KLHL4: variants seen among roughly 807,000 people sequenced by gnomAD.
KLHL4 encodes kelch-like protein 4.
In KLHL4, 17 loss-of-function variants were observed where a neutral mutation model predicts 45.8. The ratio of observed to expected loss-of-function variants is 0.37; its 90% CI spans 0.25 to 0.56. The LOEUF (loss-of-function observed/expected upper bound fraction) is 0.56, where lower values mean the gene tolerates loss of function less well. KLHL4 is among the 20% of genes least tolerant of loss of function. KLHL4 has a pLI of 0.79. For missense variants in KLHL4, 544 were observed against 544.9 expected, an observed-to-expected ratio of 1.00 and a Z score of 0.02; for synonymous variants, 224 against 189.9, an observed-to-expected ratio of 1.18 and a Z score of -1.47.
At chrX:87,607,694 G>A (rs1243873603) in intron 1 of KLHL4, among the ~76,000 whole-genome samples, 1 of 111,628 alleles carries the variant, frequency 9.0e-6, no homozygotes, top group Non-Finnish European at 1.9e-5. Context: ...TTCCTAGTCA[G>A]TTTACCCTTT....
intron 1 of KLHL4, among the ~76,000 whole-genome samples, chrX:87,565,001 A>C (rs1269270945): frequency 8.9e-6 from 1 of 112,228 alleles, no homozygotes; most frequent in African/African-American, 3.2e-5. Context: ...AGTAGACATC[A>C]AGAAAAGAAA....
chrX:87,535,049 A>G (rs1346709586), intron 1 of KLHL4, among the ~76,000 whole-genome samples: 1 of 111,969 alleles, frequency 8.9e-6, no homozygotes, highest in Non-Finnish European at 1.9e-5. Flanking sequence ...ACTTACCATA[A>G]ATGATTAGAA....
At chrX:87,533,203 G>T (rs1238979475) in intron 1 of KLHL4, among the ~76,000 whole-genome samples, 1 of 109,552 alleles carries the variant, frequency 9.1e-6, no homozygotes, top group Admixed American at 9.9e-5. Context: ...GCCATTACTG[G>T]GTATATACCC....
At chrX:87,536,061 T>C (rs1291190318) in intron 1 of KLHL4, among the ~76,000 whole-genome samples, 2 of 111,121 alleles carry the variant, frequency 1.8e-5, no homozygotes, top group Non-Finnish European at 3.8e-5. Context: ...AATTACTGTG[T>C]CTCAGATACT....
chrX:87,651,161 A>G (rs1322813439), intron 9 of KLHL4, among the ~76,000 whole-genome samples: 2 of 111,625 alleles, frequency 1.8e-5, no homozygotes, highest in African/African-American at 6.5e-5. Flanking sequence ...TGCAAACAAT[A>G]TCTTAGGTGA....
At chrX:87,551,602 G>C (rs1049930704) in intron 1 of KLHL4, among the ~76,000 whole-genome samples, 3 of 108,965 alleles carry the variant, frequency 2.8e-5, no homozygotes, top group Non-Finnish European at 5.8e-5. Flanking sequence ...TAGATAGATA[G>C]ATAGATAGAA....
At chrX:87,552,005 A>C (rs772875229) in intron 1 of KLHL4, among the ~76,000 whole-genome samples, 1 of 111,544 alleles carries the variant, frequency 9.0e-6, no homozygotes, top group East Asian at 2.8e-4. Context: ...GGATTTCATG[A>C]TCAAGAACTC....
chrX:87,609,769 G>T (rs1048539064), intron 1 of KLHL4, among the ~76,000 whole-genome samples: 3 of 111,373 alleles, frequency 2.7e-5, no homozygotes, highest in African/African-American at 9.8e-5. Context: ...AGTTTAATTA[G>T]ATCCCATTTG....
intron 9 of KLHL4, among the ~76,000 whole-genome samples, chrX:87,637,448 G>A (rs757561424): frequency 5.4e-5 from 6 of 111,290 alleles, no homozygotes; most frequent in Non-Finnish European, 1.1e-4. Context: ...CCAAAAGATC[G>A]CAGTAGCTCA....
intron 1 of KLHL4, among the ~76,000 whole-genome samples, chrX:87,542,750 C>CATAT (rs1220206311): frequency 8.9e-6 from 1 of 111,974 alleles, no homozygotes; most frequent in Non-Finnish European, 1.9e-5. Flanking sequence ...TGCCTTGTCT[C>CATAT]ATATGAGACT....
intron 1 of KLHL4, among the ~76,000 whole-genome samples, chrX:87,600,624 A>G (rs746497152): frequency 3.4e-4 from 38 of 112,237 alleles, no homozygotes; most frequent in Non-Finnish European, 6.4e-4. Flanking sequence ...CCTCCACGGA[A>G]GCTGATGCCA....
At chrX:87,590,111 A>G (rs1921613399) in intron 1 of KLHL4, among the ~76,000 whole-genome samples, 2 of 110,676 alleles carry the variant, frequency 1.8e-5, no homozygotes, top group African/African-American at 3.3e-5. Context: ...ACTTAATTGT[A>G]TATTTTAAAA....
Position 87,533,755 on chromosome X carries a change from A to G in KLHL4, c.422+15440A>G, listed in dbSNP as rs191236295. Among the ~76,000 whole-genome samples the G allele has an allele frequency of 5.0e-3, 557 of 111,399 alleles. 5 individuals carry two copies. The highest frequency in any genetic ancestry group is 0.018 in the African/African-American group (549 of 30,707). On this transcript the variant is annotated intron_variant, in intron 1 of 10. Coordinates refer to ENST00000373119, the MANE Select transcript of KLHL4 (RefSeq NM_019117.5). ...TCTCCTTAAAACAAACACATAGCTT[A>G]GATCTTAAAACCTACTCAATTTTCT...
At position 87,627,415 on chromosome X, in the gene KLHL4, T is replaced by C. The variant is rs777804116; in HGVS notation, c.1324+1619T>C. ...CCTACTGGAATCACATTATTTTCTT[T>C]GATATATATAATTGAAAATTGGAAG... On this transcript the variant is annotated intron_variant, in intron 6 of 10. Transcript: ENST00000373119. Among the ~76,000 whole-genome samples, 7 of 111,738 alleles carry C rather than the reference T, an allele frequency of 6.3e-5. No individual in the cohort carries two copies. In the East Asian group the frequency reaches 2.0e-3, roughly 32 times the overall value.
intron 9 of KLHL4, among the ~76,000 whole-genome samples, chrX:87,640,821 T>C (rs1231534475): frequency 2.7e-5 from 3 of 111,252 alleles, no homozygotes; most frequent in Non-Finnish European, 5.7e-5. Flanking sequence ...TTCAACATAG[T>C]ATTGGAAGTC....
intron 7 of KLHL4, 65 bp downstream of exon 7, chrX:87,632,499 C>A: frequency 1.3e-6 from 1 of 744,062 alleles, no homozygotes; most frequent in Non-Finnish European, 1.9e-6. Flanking sequence ...AAAATTAAAT[C>A]TAGCAGCACA....
At chrX:87,632,637 T>A (rs1923132998) in intron 7 of KLHL4, among the ~76,000 whole-genome samples, 1 of 111,389 alleles carries the variant, frequency 9.0e-6, no homozygotes, top group South Asian at 3.8e-4. Context: ...CCACCAGTAT[T>A]TTAAAGGGGT....
At chrX:87,591,274 A>C (rs1921654834) in intron 1 of KLHL4, among the ~76,000 whole-genome samples, 1 of 111,756 alleles carries the variant, frequency 8.9e-6, no homozygotes, top group African/African-American at 3.2e-5. Flanking sequence ...GTGATTTGTC[A>C]TTTGTATGTC....
At chrX:87,627,780 G>GA (rs1245162681) in intron 6 of KLHL4, among the ~76,000 whole-genome samples, 6 of 111,860 alleles carry the variant, frequency 5.4e-5, no homozygotes, top group Admixed American at 9.5e-5. Flanking sequence ...TTCTGACTCT[G>GA]AAAAAAGCCT....
Sources: allele counts gnomAD v4.1 joint callset (sites outside exome capture counted in the v4.1 genomes callset), GRCh38; gene constraint gnomAD v4.1.1; transcripts MANE v1.5; gene names NCBI Gene and HGNC (gene_info 2026-07-23, HGNC 2026-07-21).